The following SGCZ variants were observed in gnomAD, a reference collection of about 807,000 sequenced individuals.
The protein encoded by SGCZ is zeta-sarcoglycan.
A neutral mutation model predicts 41.3 loss-of-function variants in SGCZ; 40 were observed. The ratio of observed to expected loss-of-function variants is 0.97; its 90% CI spans 0.75 to 1.26. The LOEUF (loss-of-function observed/expected upper bound fraction) is 1.26, where lower values mean the gene tolerates loss of function less well. SGCZ is among the 50% of genes most tolerant of loss of function. The pLI is 0.00. For missense variants in SGCZ, 552 were observed against 369.8 expected, an observed-to-expected ratio of 1.49 and a Z score of -4.04; for synonymous variants, 206 against 137.5, an observed-to-expected ratio of 1.50 and a Z score of -3.49.
intron 1 of SGCZ, among the ~76,000 whole-genome samples, chr8:15,224,963 G>A (rs1801722093): frequency 6.6e-6 from 1 of 152,116 alleles, no homozygotes; most frequent in East Asian, 1.9e-4. Context: ...CAAACATTGA[G>A]AAAGCTACAA....
chr8:15,155,966 G>A (rs955596984), intron 1 of SGCZ, among the ~76,000 whole-genome samples: 3 of 149,484 alleles, frequency 2.0e-5, no homozygotes, highest in African/African-American at 7.5e-5. Context: ...GCCGAAGCAG[G>A]AGAATCGCTT....
At chr8:14,790,729 C>T (rs928697241) in intron 1 of SGCZ, among the ~76,000 whole-genome samples, 8 of 151,982 alleles carry the variant, frequency 5.3e-5, no homozygotes, top group Admixed American at 1.3e-4. Context: ...TTGATTATGC[C>T]GCAGCAGAAA....
intron 2 of SGCZ, among the ~76,000 whole-genome samples, chr8:14,448,930 T>C (rs1467766288): frequency 6.6e-6 from 1 of 152,202 alleles, no homozygotes; most frequent in Non-Finnish European, 1.5e-5. Flanking sequence ...AAAAAGTTAA[T>C]CTGGGTCCAA....
intron 3 of SGCZ, among the ~76,000 whole-genome samples, chr8:14,300,226 A>T (rs1801141992): frequency 6.6e-6 from 1 of 151,896 alleles, no homozygotes; most frequent in Non-Finnish European, 1.5e-5. Flanking sequence ...AAAAAGAACA[A>T]AATTCTACAG....
chr8:14,956,039 C>CTTTTTTTTTTTTTTTTT (rs71884770), intron 1 of SGCZ, among the ~76,000 whole-genome samples: 1 of 120,226 alleles, frequency 8.3e-6, no homozygotes, highest in Non-Finnish European at 1.7e-5. Context: ...ACTACTTTTA[C>CTTTTTTTTTTTTTTTTT]TTTTTTTTTT....
At chr8:14,453,010 C>G (rs1023704244) in intron 2 of SGCZ, among the ~76,000 whole-genome samples, 4 of 151,912 alleles carry the variant, frequency 2.6e-5, no homozygotes, top group African/African-American at 4.8e-5. Flanking sequence ...GGCTGAGGCA[C>G]AAGAATCGCT....
At chr8:14,531,120 C>T (rs369066871) in intron 2 of SGCZ, among the ~76,000 whole-genome samples, 3 of 151,956 alleles carry the variant, frequency 2.0e-5, no homozygotes, top group African/African-American at 2.4e-5. Flanking sequence ...TGATTAGTAC[C>T]GGGATCTTCA....
chr8:15,111,956 G>A (rs534491780), intron 1 of SGCZ, among the ~76,000 whole-genome samples: 280 of 149,790 alleles, frequency 1.9e-3, no homozygotes, highest in Non-Finnish European at 3.5e-3. Context: ...TCATTCCTTC[G>A]TTACTTGGTG....
At chr8:14,146,890 A>AAAAAATAATAATAATAAT (rs1182329393) in intron 5 of SGCZ, among the ~76,000 whole-genome samples, 27 of 116,170 alleles carry the variant, frequency 2.3e-4, no homozygotes, top group Non-Finnish European at 4.0e-4. Flanking sequence ...AAAATAAAAA[A>AAAAAATAATAATAATAAT]AATAATAATA....
intron 1 of SGCZ, among the ~76,000 whole-genome samples, chr8:15,147,304 C>A (rs553821769): frequency 1.6e-4 from 25 of 152,158 alleles, no homozygotes; most frequent in Admixed American, 3.9e-4. Context: ...TTGAGACGGG[C>A]TTTCACTCTT....
In SGCZ at chr8:14,711,573, G is replaced by C. The variant is rs939477150; in HGVS notation, c.40-156647C>G. 1.7e-4 allele frequency among the ~76,000 whole-genome samples: 22 copies of C among 127,712 alleles called. No individual in the cohort carries two copies. In the South Asian group the frequency reaches 5.6e-3, roughly 33 times the overall value. 83.8% of individuals were successfully genotyped at this position (127,712 alleles called of 152,430 possible). A position where few individuals can be genotyped will look rare whatever the true frequency, so the allele number is the denominator to read the frequency against. On this transcript the variant is annotated intron_variant, in intron 1 of 7. Transcript: ENST00000382080. ...GCCAAGATTGCTCAACTGCATTCCA[G>C]CCCAGGAGACAGAGTGAGACTCTGT...
intron 1 of SGCZ, among the ~76,000 whole-genome samples, chr8:14,710,990 A>C (rs192049126): frequency 6.6e-6 from 1 of 152,344 alleles, no homozygotes; most frequent in African/African-American, 2.4e-5. Flanking sequence ...TATCTTCACT[A>C]GCATTGTTTT....
intron 1 of SGCZ, among the ~76,000 whole-genome samples, chr8:14,590,268 C>A (rs1446517209): frequency 1.3e-5 from 2 of 151,788 alleles, no homozygotes; most frequent in Non-Finnish European, 2.9e-5. Flanking sequence ...TGTGGTAAGT[C>A]ATAAATTCCT....
At chr8:14,388,885 T>C (rs570600432) in intron 2 of SGCZ, among the ~76,000 whole-genome samples, 2 of 151,816 alleles carry the variant, frequency 1.3e-5, no homozygotes, top group African/African-American at 4.8e-5. Flanking sequence ...TTGAGGTTAT[T>C]TGAAAAACAA....
intron 1 of SGCZ, among the ~76,000 whole-genome samples, chr8:15,230,703 GC>G (rs1343015628): frequency 6.6e-6 from 1 of 152,164 alleles, no homozygotes; most frequent in Non-Finnish European, 1.5e-5. Flanking sequence ...TACAGTTCTT[GC>G]CATGGTCCCA....
At chr8:14,263,256 G>C (rs2117240444) in intron 3 of SGCZ, among the ~76,000 whole-genome samples, 1 of 152,248 alleles carries the variant, frequency 6.6e-6, no homozygotes, top group African/African-American at 2.4e-5. Flanking sequence ...TTAAGTCTAT[G>C]AAAAGATTTA....
intron 1 of SGCZ, among the ~76,000 whole-genome samples, chr8:14,731,237 G>C (rs1277658956): frequency 1.3e-5 from 2 of 151,468 alleles, no homozygotes; most frequent in East Asian, 3.9e-4. Flanking sequence ...CCTTTGCAGG[G>C]ACATGGATGA....
chr8:15,075,386 T>A (rs1805493893), intron 1 of SGCZ, among the ~76,000 whole-genome samples: 1 of 152,106 alleles, frequency 6.6e-6, no homozygotes, highest in African/African-American at 2.4e-5. Context: ...TTTTATGGGG[T>A]CATTTTCTTT....
At chr8:14,958,215 T>C (rs550036253) in intron 1 of SGCZ, among the ~76,000 whole-genome samples, 1 of 151,884 alleles carries the variant, frequency 6.6e-6, no homozygotes, top group East Asian at 1.9e-4. Context: ...TTCTGATGAG[T>C]AAAAAAGGGA....
Sources: gnomAD v4.1 joint callset for allele counts (sites outside exome capture counted in the v4.1 genomes callset) on GRCh38, gnomAD v4.1.1 for gene constraint, MANE v1.5 for transcripts, NCBI Gene and HGNC (gene_info 2026-07-23, HGNC 2026-07-21) for gene names.